Variants in PER2 observed in about 807,000 individuals in gnomAD.
The protein encoded by PER2 is period circadian regulator 2, also known as period circadian protein homolog 2.
Under a neutral mutation model 121.0 loss-of-function variants are expected in PER2, and 66 were observed. That is an observed-to-expected ratio of 0.55 (90% CI 0.45 to 0.67). The LOEUF (loss-of-function observed/expected upper bound fraction) is 0.67, where lower values mean the gene tolerates loss of function less well. Among genes scored for constraint, PER2 ranks in the 30% least tolerant of loss-of-function variants. The pLI is 0.00. For missense variants in PER2, 1,521 were observed against 1,635.0 expected (o/e 0.93, Z 1.20); for synonymous variants, 684 against 659.9 (o/e 1.04, Z -0.56).
intron 4 of PER2, 42 bp downstream of exon 4, chr2:238,275,701 A>G (rs764572564): frequency 1.3e-6 from 2 of 1,592,620 alleles, no homozygotes; most frequent in East Asian, 2.2e-5. Context: ...GATTTAAAAC[A>G]TATTTCTATA....
upstream of PER2, among the ~76,000 whole-genome samples, chr2:238,290,835 T>G (rs1275317279): frequency 1.3e-5 from 2 of 152,080 alleles, no homozygotes; most frequent in Non-Finnish European, 2.9e-5. Flanking sequence ...AGTTGTGGTG[T>G]GTAGGTCCTG....
Position 238,257,016 on chromosome 2 carries a change from C to T in PER2, c.1971G>A (p.Pro657=), listed in dbSNP as rs143025014. The change falls in exon 17 of 23, where the codon CCG becomes CCA. Residue 657 remains proline, a synonymous_variant. Transcript: ENST00000254657. ...VGTHLTSLAL[P]GKAESVASLT... is the part of the protein sequence containing the mutation. ...GCGACGCCACACTCTCTGCCTTGCC[C>T]GGCAGTGCCAGCGAGGTCAGGTGCG... 171 of 1,613,544 alleles carry T rather than the reference C, an allele frequency of 1.1e-4. No individual in the cohort carries two copies. In the African/African-American group the frequency reaches 1.7e-3, roughly 16 times the overall value.
At chr2:238,296,055 C>CTGTGACCACGGACACGGGCAGACAT in the PER2 span, among the ~76,000 whole-genome samples, 8 of 140,104 alleles carry the variant, frequency 5.7e-5, no homozygotes, top group African/African-American at 1.1e-4. Context: ...GTCGTGTGCC[C>CTGTGACCACGGACACGGGCAGACAT]TCCTGCTGCA....
At chr2:238,276,038 T>C (rs1267999342) in intron 3 of PER2, 141 bp from the exon 4 acceptor site, 8 of 600,384 alleles carry the variant, frequency 1.3e-5, no homozygotes, top group Admixed American at 1.2e-4. Flanking sequence ...CTCTGTAGAT[T>C]TTCTCAGCCT....
At chr2:238,249,308 T>G in intron 21 of PER2, 96 bp from the exon 22 acceptor site, 2 of 1,300,938 alleles carry the variant, frequency 1.5e-6, no homozygotes, top group East Asian at 2.3e-5. Context: ...TGATTTTGTT[T>G]AATGCAAATT....
intron 16 of PER2, 25 bp downstream of exon 16, chr2:238,258,251 A>G: frequency 6.2e-7 from 1 of 1,613,512 alleles, no homozygotes; most frequent in Non-Finnish European, 8.5e-7. Flanking sequence ...TTTCACATGT[A>G]CATGGCTCTA....
In PER2 at chr2:238,260,973, C is replaced by G; in HGVS notation, c.1417-20G>C. The G allele has an allele frequency of 1.9e-6, 3 of 1,609,760 alleles. No individual in the cohort carries two copies. The highest frequency in any genetic ancestry group is 2.5e-6 in the Non-Finnish European group (3 of 1,179,312). On this transcript the variant is annotated intron_variant, in intron 12 of 22. Transcript: ENST00000254657. ...GACGGGCTGGGGAGACAGCAGACAGCGCTACAGACACAGCCAGGGCTGCTG... is the reference window on the plus strand; with the variant it reads ...GACGGGCTGGGGAGACAGCAGACAGGGCTACAGACACAGCCAGGGCTGCTG...
intron 13 of PER2, among the ~76,000 whole-genome samples, chr2:238,260,389 T>C (rs1695890812): frequency 6.6e-6 from 1 of 152,020 alleles, no homozygotes; most frequent in Non-Finnish European, 1.5e-5. Flanking sequence ...CCCGAGTAGC[T>C]GGGATTACAG....
Position 238,263,061 on chromosome 2 carries a change from G to A in PER2, c.1047-3C>T. 6.3e-7 allele frequency: 1 copy of A among 1,586,846 alleles called. No homozygotes were observed. The highest frequency in any genetic ancestry group is 8.7e-7 in the Non-Finnish European group (1 of 1,155,482). Reference sequence around the variant, plus strand: ...GGTAGCCCAGGAGAGGGACCGCCCTGGAAGGCAAGCAGACACACGCTAGGA... The same window carrying A: ...GGTAGCCCAGGAGAGGGACCGCCCTAGAAGGCAAGCAGACACACGCTAGGA... On this transcript the variant is annotated splice_region_variant and splice_polypyrimidine_tract_variant and intron_variant, in intron 9 of 22. Transcript: ENST00000254657.
chr2:238,262,800 T>A, intron 10 of PER2, 152 bp downstream of exon 10: 1 of 685,798 alleles, frequency 1.5e-6, no homozygotes, highest in South Asian at 1.6e-5. Context: ...GGCACTGCAG[T>A]GCCAGGAGGG....
chr2:238,266,429 G>A (rs1269318447), intron 8 of PER2, among the ~76,000 whole-genome samples: 1 of 152,122 alleles, frequency 6.6e-6, no homozygotes, highest in Admixed American at 6.5e-5. Flanking sequence ...TCTGGATTCA[G>A]ATTTCTTAGC....
chr2:238,285,029 T>A (rs1028379238), intron 1 of PER2, among the ~76,000 whole-genome samples: 1 of 37,516 alleles, frequency 2.7e-5, no homozygotes, highest in African/African-American at 1.0e-4. Context: ...GGAGGGAGGG[T>A]GGGCATGCAC....
Position 238,262,252 on chromosome 2 carries a change from T to C in PER2, c.1246A>G (p.Ser416Gly). 1.9e-6 allele frequency: 3 copies of C among 1,613,966 alleles called. No homozygotes were observed. The South Asian group carries it at 3.3e-5, about 18-fold the overall frequency. Residue 416 changes from serine (S) to glycine (G), a missense_variant, in exon 11 of 23, where the codon AGC becomes GGC. By Grantham distance (56) the Ser-to-Gly change is moderately conservative. Transcript: ENST00000254657. ...TTCCTGCTCCATGGGTTGATGAAGCTGGACCAGCTGGTGTCCAACGTGATG... is the reference window on the plus strand; with the variant it reads ...TTCCTGCTCCATGGGTTGATGAAGCCGGACCAGCTGGTGTCCAACGTGATG... ...EYITLDTSWS[S>G]FINPWSRKIS...
chr2:238,274,339 G>A lies in PER2; in HGVS notation c.449-1148C>T, dbSNP rs1209595092. Reference sequence around the variant, plus strand: ...CAGGCCCCGGACACATGAAACCTGGGGCTGCGTTACGAGTCTGACCCAGGA... The same window carrying A: ...CAGGCCCCGGACACATGAAACCTGGAGCTGCGTTACGAGTCTGACCCAGGA... On this transcript the variant is annotated intron_variant, in intron 4 of 22. Coordinates refer to ENST00000254657, the MANE Select transcript of PER2 (RefSeq NM_022817.3). 4.6e-5 allele frequency among the ~76,000 whole-genome samples: 7 copies of A among 152,224 alleles called. No homozygotes were observed. The East Asian group carries it at 1.3e-3, about 29-fold the overall frequency.
intron 22 of PER2, chr2:238,247,514 C>A (rs1166886024): frequency 6.6e-6 from 1 of 152,288 alleles, no homozygotes; most frequent in Non-Finnish European, 1.5e-5. Context: ...AGAGACCGTG[C>A]AAGGTAATAC....
At chr2:238,261,896 G>T in intron 11 of PER2, 59 bp from the exon 12 acceptor site, 1 of 1,201,024 alleles carries the variant, frequency 8.3e-7, no homozygotes, top group Non-Finnish European at 1.2e-6. Context: ...TCTCTGGCGT[G>T]ACTGTATAGC....
Position 238,273,128 on chromosome 2 carries a change from G to A in PER2, c.512C>T (p.Pro171Leu). 6.2e-7 allele frequency: 1 copy of A among 1,613,104 alleles called. No individual in the cohort carries two copies. ...CTCCATCTCCTCCACGGTGTAGGAG[G>A]GCACGTCTGCTCCACAGGGGTGACC... ...SEGHPCGADV[P>L]SYTVEEMESV... Residue 171 changes from proline to leucine, a missense_variant, in exon 5 of 23, where the codon CCC becomes CTC. Physicochemically the swap from Pro to Leu is moderately conservative, Grantham distance 98. Coordinates refer to ENST00000254657, the MANE Select transcript of PER2 (RefSeq NM_022817.3).
At chr2:238,292,105 C>T (rs1276132875), upstream of PER2, among the ~76,000 whole-genome samples, 1 of 152,246 alleles carries the variant, frequency 6.6e-6, no homozygotes, top group Non-Finnish European at 1.5e-5. Flanking sequence ...TTGCAGTGAA[C>T]TGTGATTGCA....
chr2:238,272,956 T>G, intron 5 of PER2, 114 bp downstream of exon 5: 1 of 942,340 alleles, frequency 1.1e-6, no homozygotes, highest in Non-Finnish European at 1.7e-6. Context: ...GGAACTTATC[T>G]GCTGAAACCC....
Sources: gnomAD v4.1 joint callset for allele counts (sites outside exome capture counted in the v4.1 genomes callset) on GRCh38, gnomAD v4.1.1 for gene constraint, MANE v1.5 for transcripts, NCBI Gene and HGNC (gene_info 2026-07-23, HGNC 2026-07-21) for gene names.